The following BNC2 variants were observed in gnomAD, a reference collection of about 807,000 sequenced individuals.
BNC2 encodes basonuclin zinc finger protein 2.
Under a neutral mutation model 76.3 loss-of-function variants are expected in BNC2, and 20 were observed. The ratio of observed to expected loss-of-function variants is 0.26; its 90% confidence interval spans 0.18 to 0.38. BNC2 has a LOEUF of 0.38. Among genes scored for constraint, BNC2 ranks in the 10% least tolerant of loss-of-function variants. The pLI is 1.00. For synonymous variants in BNC2, 582 were observed against 514.8 expected (o/e 1.13, Z -1.77); for missense variants, 1,382 against 1,399.8 (o/e 0.99, Z 0.20).
chr9:16,493,470 T>A (rs1252468763), intron 5 of BNC2, among the ~76,000 whole-genome samples: 1 of 152,210 alleles, frequency 6.6e-6, no homozygotes, highest in Non-Finnish European at 1.5e-5. Flanking sequence ...CCTACTGTAA[T>A]AAACGTGGCA....
At chr9:16,562,339 C>T (rs1401965853) in intron 4 of BNC2, among the ~76,000 whole-genome samples, 1 of 152,190 alleles carries the variant, frequency 6.6e-6, no homozygotes, top group Non-Finnish European at 1.5e-5. Flanking sequence ...GAGGCGTCTT[C>T]ACCTGGGAAG....
intron 1 of BNC2, among the ~76,000 whole-genome samples, chr9:16,813,994 AC>A (rs1330207077): frequency 6.6e-6 from 1 of 152,184 alleles, no homozygotes; most frequent in Non-Finnish European, 1.5e-5. Flanking sequence ...GACACGGTGT[AC>A]TAAAAGGATT....
intron 3 of BNC2, among the ~76,000 whole-genome samples, chr9:16,655,870 G>C (rs1002786013): frequency 5.9e-5 from 9 of 152,136 alleles, no homozygotes; most frequent in African/African-American, 1.9e-4. Flanking sequence ...GCTGACTGGG[G>C]GCCACTCTGA....
intron 3 of BNC2, among the ~76,000 whole-genome samples, chr9:16,667,080 TAC>T (rs139744564): frequency 0.1 from 14,095 of 141,464 alleles, 848 homozygotes; most frequent in African/African-American, 0.18. Flanking sequence ...CAGATACACA[TAC>T]ACACACACAC....
chr9:16,451,924 G>C (rs919922925), intron 5 of BNC2, among the ~76,000 whole-genome samples: 20 of 152,254 alleles, frequency 1.3e-4, no homozygotes, highest in African/African-American at 4.8e-4. Context: ...AAATCATCTA[G>C]TGCCATGTTT....
In BNC2 at chr9:16,411,046, C is replaced by G. The variant is rs941715536; in HGVS notation, c.*7943G>C. On this transcript the variant is annotated 3_prime_UTR_variant, in exon 7 of 7. Coordinates refer to ENST00000380672, the MANE Select transcript of BNC2 (RefSeq NM_017637.6). Reference sequence around the variant, plus strand: ...TGGAAAAGGCAGGCAGTGAGGCTCCCACTGAAACAGTGCCAGGTCAGTTCA... The same window carrying G: ...TGGAAAAGGCAGGCAGTGAGGCTCCGACTGAAACAGTGCCAGGTCAGTTCA... The G allele has an allele frequency of 3.9e-5, 6 of 152,212 alleles. No homozygotes were observed. Among genetic ancestry groups the G allele is most frequent in the Non-Finnish European group, 7.3e-5 (5 of 68,086 alleles). The allele number at this position is 152,212 out of a possible 1,614,324, so 9.4% of individuals were successfully genotyped here. A position where few individuals can be genotyped will look rare whatever the true frequency, so the allele number is the denominator to read the frequency against.
chr9:16,415,757 T>C lies in BNC2; in HGVS notation c.*3232A>G, dbSNP rs1278355150. The C allele has an allele frequency of 6.6e-6, 1 of 152,226 alleles. No homozygotes were observed. The highest frequency in any genetic ancestry group is 2.4e-5 in the African/African-American group (1 of 41,464). The allele number at this position is 152,226 out of a possible 1,614,324, so 9.4% of individuals were successfully genotyped here. ...GTACATTTTATGATTTTCCATTGCA[T>C]GTACTACATCCATCCACTCCCCTGT... is the stretch of plus-strand genomic sequence containing the variant. On this transcript the variant is annotated 3_prime_UTR_variant, in exon 7 of 7. Coordinates refer to ENST00000380672, the MANE Select transcript of BNC2 (RefSeq NM_017637.6).
chr9:16,568,297 T>A (rs1479176592), intron 4 of BNC2, among the ~76,000 whole-genome samples: 1 of 152,164 alleles, frequency 6.6e-6, no homozygotes, highest in Non-Finnish European at 1.5e-5. Context: ...AGCGATGAGA[T>A]TTTTATTGGA....
At chr9:16,846,204 G>C (rs1039775528) in intron 1 of BNC2, among the ~76,000 whole-genome samples, 5 of 151,602 alleles carry the variant, frequency 3.3e-5, no homozygotes, top group African/African-American at 1.2e-4. Context: ...ATATAGTTTT[G>C]GTGAATTTCT....
chr9:16,710,768 G>T (rs939413214), intron 3 of BNC2, among the ~76,000 whole-genome samples: 11 of 151,088 alleles, frequency 7.3e-5, no homozygotes, highest in African/African-American at 2.7e-4. Flanking sequence ...CACCTAAGGG[G>T]TTAAAAGACT....
chr9:16,788,194 A>C (rs1826349852), intron 1 of BNC2, among the ~76,000 whole-genome samples: 1 of 152,146 alleles, frequency 6.6e-6, no homozygotes, highest in African/African-American at 2.4e-5. Context: ...AGATATTTTT[A>C]CGTTACCAGT....
At chr9:16,432,497 G>A (rs112991422) in intron 6 of BNC2, among the ~76,000 whole-genome samples, 5 of 152,302 alleles carry the variant, frequency 3.3e-5, no homozygotes, top group African/African-American at 9.6e-5. Flanking sequence ...ACCACTTTGG[G>A]AGAAGCCCAG....
chr9:16,751,341 G>A (rs144692374), intron 1 of BNC2, among the ~76,000 whole-genome samples: 21 of 151,018 alleles, frequency 1.4e-4, no homozygotes, highest in African/African-American at 4.8e-4. Context: ...GAGCTCATGC[G>A]TTCTCCATGA....
At chr9:16,505,476 A>G (rs1254271953) in intron 5 of BNC2, among the ~76,000 whole-genome samples, 1 of 152,230 alleles carries the variant, frequency 6.6e-6, no homozygotes, top group Non-Finnish European at 1.5e-5. Flanking sequence ...CTCCTGATTT[A>G]TAGAAGCTAG....
intron 5 of BNC2, among the ~76,000 whole-genome samples, chr9:16,495,354 C>T (rs1403409832): frequency 6.6e-6 from 1 of 152,196 alleles, no homozygotes; most frequent in Non-Finnish European, 1.5e-5. Context: ...TGAGATCATG[C>T]CATGAACTCT....
intron 5 of BNC2, among the ~76,000 whole-genome samples, chr9:16,474,342 T>A (rs903837169): frequency 6.6e-6 from 1 of 152,172 alleles, no homozygotes; most frequent in African/African-American, 2.4e-5. Flanking sequence ...ACATTAGATG[T>A]GAAAATAGGC....
At chr9:16,591,527 A>G (rs1819928609) in intron 3 of BNC2, among the ~76,000 whole-genome samples, 1 of 152,230 alleles carries the variant, frequency 6.6e-6, no homozygotes, top group South Asian at 2.1e-4. Flanking sequence ...TAAGGTGGGT[A>G]TGTTTTCTCC....
chr9:16,845,478 T>C (rs752334954), intron 1 of BNC2, among the ~76,000 whole-genome samples: 52 of 152,046 alleles, frequency 3.4e-4, no homozygotes, highest in Admixed American at 1.1e-3. Context: ...TCCCAGCAAT[T>C]TGGGAGGCCA....
intron 1 of BNC2, among the ~76,000 whole-genome samples, chr9:16,800,112 C>T (rs1297653314): frequency 3.3e-5 from 5 of 151,998 alleles, no homozygotes; most frequent in Non-Finnish European, 7.4e-5. Flanking sequence ...GTAGTCCCAG[C>T]TACTCGGGAG....
Sources: allele counts gnomAD v4.1 joint callset (sites outside exome capture counted in the v4.1 genomes callset), GRCh38; gene constraint gnomAD v4.1.1; transcripts MANE v1.5; gene names NCBI Gene and HGNC (gene_info 2026-07-23, HGNC 2026-07-21).